Variants in CNKSR3 observed in about 807,000 individuals in gnomAD.
CNKSR3 encodes connector enhancer of kinase suppressor of ras 3.
CNKSR3 carries 36 observed loss-of-function variants against 67.7 expected under a neutral mutation model. The observed-to-expected ratio is 0.53, with a 90% CI of 0.41 to 0.70. The LOEUF (loss-of-function observed/expected upper bound fraction) is 0.70. CNKSR3 is among the 30% of genes least tolerant of loss of function. The pLI, the probability that CNKSR3 is intolerant of heterozygous loss-of-function variation, is 0.00. For missense variants in CNKSR3, 630 were observed against 695.2 expected (o/e 0.91, Z 1.05); for synonymous variants, 281 against 271.4 (o/e 1.04, Z -0.35).
intron 1 of CNKSR3, among the ~76,000 whole-genome samples, chr6:154,479,304 T>A (rs1786519542): frequency 6.6e-6 from 1 of 152,026 alleles, no homozygotes; most frequent in Non-Finnish European, 1.5e-5. Context: ...CAAATAAAAT[T>A]GTAGAAGTGA....
intron 1 of CNKSR3, among the ~76,000 whole-genome samples, chr6:154,451,546 TGCAC>T (rs1562339076): frequency 6.7e-5 from 1 of 14,846 alleles, no homozygotes; most frequent in East Asian, 0.013. Flanking sequence ...CACGCACAGA[TGCAC>T]ACACACATTT....
rs1784973134 is a variant in CNKSR3, at chr6:154,414,416, G to A, written c.953C>T (p.Pro318Leu). The change falls in exon 10 of 13, where the codon CCT becomes CTT. Residue 318 changes from proline to leucine, a missense_variant. Pro to Leu is a moderately conservative substitution (Grantham distance 98). Transcript: ENST00000607772. ...RWKPPLVQTSPPPATTQSPES... is the reference protein window; with the variant it reads ...RWKPPLVQTSLPPATTQSPES... Reference sequence around the variant, plus strand: ...AGGGGACTGGGTTGTCGCGGGTGGAGGTGAGGTCTGAAACAGGAGTAACAC... The same window carrying A: ...AGGGGACTGGGTTGTCGCGGGTGGAAGTGAGGTCTGAAACAGGAGTAACAC... 1 of 1,590,570 alleles carries A rather than the reference G, an allele frequency of 6.3e-7. No homozygotes were observed. The highest frequency in any genetic ancestry group is 8.5e-7 in the Non-Finnish European group (1 of 1,171,172).
rs965770136 is a variant in CNKSR3 at position 154,443,813 on chromosome 6, C to T, written c.217-1523G>A. Among the ~76,000 whole-genome samples the T allele has an allele frequency of 1.3e-4, 20 of 152,268 alleles. 1 individual carries two copies. The highest frequency in any genetic ancestry group is 2.1e-4 in the South Asian group (1 of 4,818). On this transcript the variant is annotated intron_variant, in intron 2 of 12. Transcript: ENST00000607772. Reference sequence around the variant, plus strand: ...GGTCAAGGCTGCAGTGAGCTATGATCGTGCCACTGTACTCCAGCCTGAGTG... The same window carrying T: ...GGTCAAGGCTGCAGTGAGCTATGATTGTGCCACTGTACTCCAGCCTGAGTG...
At chr6:154,499,728 C>T (rs1786945255) in intron 1 of CNKSR3, among the ~76,000 whole-genome samples, 1 of 152,120 alleles carries the variant, frequency 6.6e-6, no homozygotes, top group African/African-American at 2.4e-5. Flanking sequence ...TCTCAGCCTC[C>T]CGAAGTGCTG....
chr6:154,398,247 G>C lies in CNKSR3; in HGVS notation c.*8107C>G, dbSNP rs1203379185. ...AAGTCCTTCCAGAAACAACATTCAG[G>C]ATGACGGCATCAGTGTTAGCCAAGT... On this transcript the variant is annotated 3_prime_UTR_variant, in exon 13 of 13. Transcript: ENST00000607772. The C allele has an allele frequency of 6.6e-6, 1 of 152,194 alleles. No individual in the cohort carries two copies. Among genetic ancestry groups the C allele is most frequent in the Non-Finnish European group, 1.5e-5 (1 of 68,042 alleles). The allele number at this position is 152,194 out of a possible 1,614,324, so 9.4% of individuals were successfully genotyped here.
chr6:154,423,845 A>G (rs1474769094), intron 7 of CNKSR3, among the ~76,000 whole-genome samples: 1 of 152,214 alleles, frequency 6.6e-6, no homozygotes, highest in African/African-American at 2.4e-5. Context: ...GATTACATTC[A>G]AAAATGAGTC....
At chr6:154,421,049 T>A (rs1185909495) in intron 9 of CNKSR3, among the ~76,000 whole-genome samples, 1 of 152,222 alleles carries the variant, frequency 6.6e-6, no homozygotes, top group African/African-American at 2.4e-5. Context: ...GGTCTCACTC[T>A]GTCATCCAGG....
chr6:154,479,882 G>A (rs1321071986), intron 1 of CNKSR3, among the ~76,000 whole-genome samples: 2 of 152,214 alleles, frequency 1.3e-5, no homozygotes, highest in Non-Finnish European at 2.9e-5. Flanking sequence ...ACTGTACACT[G>A]TGAGTTTCTC....
intron 9 of CNKSR3, among the ~76,000 whole-genome samples, chr6:154,416,449 T>C (rs1207000633): frequency 6.6e-6 from 1 of 152,218 alleles, no homozygotes; most frequent in East Asian, 1.9e-4. Flanking sequence ...TCGGACCATA[T>C]CTGAAAACAT....
intron 1 of CNKSR3, among the ~76,000 whole-genome samples, chr6:154,488,502 A>G (rs1786722568): frequency 6.6e-6 from 1 of 152,256 alleles, no homozygotes; most frequent in Non-Finnish European, 1.5e-5. Flanking sequence ...ATCAAGTTAA[A>G]GTTCATCTTA....
rs1329432167 is a variant in CNKSR3, at chr6:154,481,340, T to C, written c.52+28723A>G. Among the ~76,000 whole-genome samples, 11 of 151,742 alleles carry C rather than the reference T, an allele frequency of 7.2e-5. No individual in the cohort carries two copies. The East Asian group carries it at 2.1e-3, about 29-fold the overall frequency. On this transcript the variant is annotated intron_variant, in intron 1 of 12. Coordinates refer to ENST00000607772, the MANE Select transcript of CNKSR3 (RefSeq NM_173515.4). ...CTTATTTGATATTTATTTTATTTGA[T>C]AGCAGTCTTATGCTTATTTGATATT...
intron 1 of CNKSR3, among the ~76,000 whole-genome samples, chr6:154,451,212 C>T (rs1046659102): frequency 2.6e-5 from 4 of 152,256 alleles, no homozygotes; most frequent in African/African-American, 9.6e-5. Flanking sequence ...ATGACTAAAA[C>T]GAGTAAGCCA....
chr6:154,473,206 C>T (rs190105238), intron 1 of CNKSR3, among the ~76,000 whole-genome samples: 139 of 152,272 alleles, frequency 9.1e-4, no homozygotes, highest in Non-Finnish European at 1.2e-3. Flanking sequence ...GAGCTGAAGA[C>T]GTTAGACAAG....
chr6:154,404,507 C>CA lies in CNKSR3; in HGVS notation c.*1846dup, dbSNP rs1784752152. 1 of 152,148 alleles carries CA rather than the reference C, an allele frequency of 6.6e-6. No individual in the cohort carries two copies. Among genetic ancestry groups the CA allele is most frequent in the South Asian group, 2.1e-4 (1 of 4,806 alleles). The allele number at this position is 152,148 out of a possible 1,614,324, so 9.4% of individuals were successfully genotyped here. On this transcript the variant is annotated 3_prime_UTR_variant, in exon 13 of 13. Transcript: ENST00000607772. ...GCGCCAGGCCGAAATACCAGATCTT[C>CA]ATGGCAGTTGTCTTAGAGGTAGAGA...
At chr6:154,487,131 A>T (rs578139447) in intron 1 of CNKSR3, among the ~76,000 whole-genome samples, 23 of 152,330 alleles carry the variant, frequency 1.5e-4, no homozygotes, top group African/African-American at 5.1e-4. Context: ...TGCATAAAGG[A>T]TGTGGGATCC....
At chr6:154,494,856 T>C (rs538338823) in intron 1 of CNKSR3, among the ~76,000 whole-genome samples, 2 of 152,042 alleles carry the variant, frequency 1.3e-5, no homozygotes, top group East Asian at 3.9e-4. Context: ...CTGCAGCCAG[T>C]TATGTTAGCC....
chr6:154,422,001 T>G (rs1343078034), intron 9 of CNKSR3, among the ~76,000 whole-genome samples: 3 of 151,026 alleles, frequency 2.0e-5, no homozygotes, highest in Non-Finnish European at 4.4e-5. Flanking sequence ...TTTTTTTTTT[T>G]TTTTTTATGA....
chr6:154,452,822 G>T (rs951011138), intron 1 of CNKSR3, among the ~76,000 whole-genome samples: 5 of 152,152 alleles, frequency 3.3e-5, no homozygotes, highest in Admixed American at 1.3e-4. Context: ...GTGAAGACAC[G>T]GAAAAGACGG....
intron 7 of CNKSR3, among the ~76,000 whole-genome samples, chr6:154,425,576 A>T (rs527605734): frequency 1.3e-5 from 2 of 152,354 alleles, no homozygotes; most frequent in African/African-American, 4.8e-5. Flanking sequence ...CTCCCACCGG[A>T]TCTCAGGGGT....
Sources: gnomAD v4.1 joint callset for allele counts (sites outside exome capture counted in the v4.1 genomes callset) on GRCh38, gnomAD v4.1.1 for gene constraint, MANE v1.5 for transcripts, NCBI Gene and HGNC (gene_info 2026-07-23, HGNC 2026-07-21) for gene names.